Variants in SVEP1 observed in about 807,000 individuals in gnomAD.
SVEP1 encodes the protein sushi, von Willebrand factor type A, EGF and pentraxin domain containing 1.
Under a neutral mutation model 367.3 loss-of-function variants are expected in SVEP1, and 164 were observed. That is an observed-to-expected ratio of 0.45 (90% CI 0.39 to 0.51). SVEP1 has a LOEUF of 0.51. Ranked by LOEUF, SVEP1 falls within the 20% of genes least tolerant of loss-of-function variation. The probability of loss-of-function intolerance (pLI) is 0.00; values close to 1 mark genes in which losing one functional copy is unlikely to be tolerated. For synonymous variants in SVEP1, 1,666 were observed against 1,611.6 expected, an observed-to-expected ratio of 1.03 and a Z score of -0.81; for missense variants, 4,117 against 4,425.3, an observed-to-expected ratio of 0.93 and a Z score of 1.98.
intron 9 of SVEP1, among the ~76,000 whole-genome samples, chr9:110,485,291 G>C (rs77264440): frequency 1.3e-5 from 2 of 152,212 alleles, no homozygotes; most frequent in African/African-American, 4.8e-5. Flanking sequence ...GCAGGGACAC[G>C]GATGGAGCTG....
intron 28 of SVEP1, 144 bp downstream of exon 28, chr9:110,436,236 T>C: frequency 9.5e-7 from 1 of 1,050,700 alleles, no homozygotes; most frequent in African/African-American, 1.6e-5. Context: ...ACTTCATCTA[T>C]AACCACAGCA....
intron 3 of SVEP1, among the ~76,000 whole-genome samples, chr9:110,532,200 T>A (rs558572251): frequency 6.6e-6 from 1 of 152,176 alleles, no homozygotes; most frequent in South Asian, 2.1e-4. Flanking sequence ...TATAAAAAAA[T>A]AAAGGAGGCA....
intron 40 of SVEP1, among the ~76,000 whole-genome samples, chr9:110,392,228 T>C (rs1265630472): frequency 6.6e-6 from 1 of 151,256 alleles, no homozygotes; most frequent in Non-Finnish European, 1.5e-5. Flanking sequence ...TATATCTCTC[T>C]AAACTTAGGT....
In SVEP1 at chr9:110,406,184, G is replaced by T; in HGVS notation, c.9416C>A (p.Thr3139Asn). 6.3e-7 allele frequency: 1 copy of T among 1,593,950 alleles called. No homozygotes were observed. The highest frequency in any genetic ancestry group is 8.6e-7 in the Non-Finnish European group (1 of 1,169,442). Residue 3139 changes from threonine to asparagine, a missense_variant, in exon 38 of 48, where the codon ACC becomes AAC. Thr to Asn is a moderately conservative substitution (Grantham distance 65, BLOSUM62 0). Around this residue, in one of 4 missense-constraint regions of SVEP1, gnomAD observed 1,765 missense variants for 1,781.1 expected, o/e 0.99. Transcript: ENST00000374469. Reference sequence around the variant, plus strand: ...CCTGAGTTTCACTTCACTTTCATAGGTGTGTGCCTCTCCAGTTGCCACTGC... The same window carrying T: ...CCTGAGTTTCACTTCACTTTCATAGTTGTGTGCCTCTCCAGTTGCCACTGC... ...ANAVATGEAH[T>N]YESEVKLRCL... is the part of the protein sequence containing the mutation.
intron 41 of SVEP1, among the ~76,000 whole-genome samples, chr9:110,387,984 A>ATTTTTGT (rs1564126342): frequency 6.6e-6 from 1 of 152,128 alleles, no homozygotes; most frequent in Non-Finnish European, 1.5e-5. Context: ...CATGTCCTGT[A>ATTTTTGT]TTTTTGTTTC....
intron 44 of SVEP1, among the ~76,000 whole-genome samples, chr9:110,378,918 A>T (rs546704677): frequency 1.3e-5 from 2 of 152,236 alleles, no homozygotes; most frequent in East Asian, 1.9e-4. Flanking sequence ...TTAAAAAAAA[A>T]AAAAGTCCAA....
intron 36 of SVEP1, among the ~76,000 whole-genome samples, chr9:110,416,752 T>C (rs898697212): frequency 1.3e-5 from 2 of 152,016 alleles, no homozygotes; most frequent in Non-Finnish European, 2.9e-5. Flanking sequence ...TTTTAAAAAG[T>C]AACCAAAGAG....
In SVEP1 at chr9:110,579,381, C is replaced by A; in HGVS notation, c.163G>T (p.Glu55Ter). 1 of 1,564,758 alleles carries A rather than the reference C, an allele frequency of 6.4e-7. No individual in the cohort carries two copies. Residue 55 changes from glutamate to a stop codon, truncating the protein, a stop_gained, in exon 1 of 48, where the codon GAA becomes TAA. Transcript: ENST00000374469. LOFTEE classifies it high-confidence loss of function. The surrounding 1 kb of genome is among the most constrained non-coding windows in gnomAD (Gnocchi z 5.3). ...SIPAPPAPGD[E>*]AAGSRVERLG... ...CGCTCCACTCTGCTCCCCGCCGCTT[C>A]GTCGCCAGGAGCGGGCGGCGCGGGG...
chr9:110,382,576 G>A (rs1033243172), intron 43 of SVEP1, among the ~76,000 whole-genome samples: 8 of 152,002 alleles, frequency 5.3e-5, no homozygotes, highest in African/African-American at 1.9e-4. Flanking sequence ...TATCTTACTG[G>A]GGTTCTCTGG....
intron 3 of SVEP1, among the ~76,000 whole-genome samples, chr9:110,516,858 C>T (rs1272056207): frequency 1.3e-5 from 2 of 152,028 alleles, no homozygotes; most frequent in Non-Finnish European, 2.9e-5. Context: ...GAGATATATT[C>T]CTAACCTGGA....
chr9:110,463,798 C>G (rs1385395435), intron 18 of SVEP1, among the ~76,000 whole-genome samples: 1 of 151,928 alleles, frequency 6.6e-6, no homozygotes, highest in Non-Finnish European at 1.5e-5. Flanking sequence ...ATATAAGGGA[C>G]CGTTTTAGAA....
intron 1 of SVEP1, among the ~76,000 whole-genome samples, chr9:110,556,207 G>A (rs1309169934): frequency 6.6e-6 from 1 of 152,044 alleles, no homozygotes; most frequent in Non-Finnish European, 1.5e-5. Context: ...AAAAATGCAG[G>A]GTTGTGTAAT....
At chr9:110,373,697 A>G (rs1203805275) in intron 46 of SVEP1, among the ~76,000 whole-genome samples, 1 of 152,100 alleles carries the variant, frequency 6.6e-6, no homozygotes, top group African/African-American at 2.4e-5. Context: ...GTTATTTGAC[A>G]TTTACTAAAA....
chr9:110,408,368 C>T lies in SVEP1; in HGVS notation c.7232G>A (p.Gly2411Glu). Reference sequence around the variant, plus strand: ...GGTAGAATTTCCTCTTAGGAAAAACCCACCTACACAAGAATACTTGACAGT... The same window carrying T: ...GGTAGAATTTCCTCTTAGGAAAAACTCACCTACACAAGAATACTTGACAGT... ...GSTVKYSCVG[G>E]FFLRGNSTTL... Residue 2411 changes from glycine to glutamate, a missense_variant, in exon 38 of 48, where the codon GGG becomes GAG. By Grantham distance (98) the Gly-to-Glu change is moderately conservative. This residue lies in a region of SVEP1 where 1,765 missense variants were observed against 1,781.1 expected (regional missense o/e 0.99). Coordinates refer to ENST00000374469, the MANE Select transcript of SVEP1 (RefSeq NM_153366.4). 1 of 1,613,802 alleles carries T rather than the reference C, an allele frequency of 6.2e-7. No individual in the cohort carries two copies. The highest frequency in any genetic ancestry group is 8.5e-7 in the Non-Finnish European group (1 of 1,179,846).
intron 13 of SVEP1, among the ~76,000 whole-genome samples, chr9:110,477,850 TCTTA>T (rs1829121069): frequency 6.6e-6 from 1 of 152,190 alleles, no homozygotes; most frequent in African/African-American, 2.4e-5. Context: ...TATGTGGTCT[TCTTA>T]CTCTCTCCTA....
At chr9:110,383,454 G>T (rs11791430) in intron 43 of SVEP1, among the ~76,000 whole-genome samples, 1 of 150,826 alleles carries the variant, frequency 6.6e-6, no homozygotes, top group African/African-American at 2.5e-5. Flanking sequence ...TCCTCTGGGA[G>T]CTCTGTCCCA....
intron 3 of SVEP1, among the ~76,000 whole-genome samples, chr9:110,519,596 T>C (rs12379760): frequency 0.022 from 3,310 of 152,290 alleles, 38 homozygotes; most frequent in African/African-American, 0.026. Flanking sequence ...CAGTGGGAAG[T>C]GTGCTCCTGT....
intron 40 of SVEP1, among the ~76,000 whole-genome samples, chr9:110,396,388 A>G (rs59062234): frequency 0.14 from 21,882 of 152,068 alleles, 2,085 homozygotes; most frequent in East Asian, 0.3. Context: ...TGCCCACAAG[A>G]GAAAGTAGGA....
Position 110,443,626 on chromosome 9 carries a change from C to G in SVEP1, c.4558G>C (p.Ala1520Pro), listed in dbSNP as rs1224250600. 8.7e-6 allele frequency: 14 copies of G among 1,613,436 alleles called. No homozygotes were observed. The highest frequency in any genetic ancestry group is 1.2e-5 in the Non-Finnish European group (14 of 1,179,704). The change falls in exon 27 of 48, where the codon GCC becomes CCC. Residue 1520 changes from alanine to proline, a missense_variant. Coordinates refer to ENST00000374469, the MANE Select transcript of SVEP1 (RefSeq NM_153366.4). ...WHHIAITWTS[A>P]NGIWKVYIDG... ...ATATAGACTTTCCAGATGCCATTGG[C>G]ACTTGTCCAAGTGATTGCAATATGA...
Sources: gnomAD v4.1 joint callset for allele counts (sites outside exome capture counted in the v4.1 genomes callset) on GRCh38, gnomAD v4.1.1 for gene constraint, gnomAD v4.1.1 regional missense constraint, Gnocchi (gnomAD v3.1) non-coding constraint, MANE v1.5 for transcripts, NCBI Gene and HGNC (gene_info 2026-07-23, HGNC 2026-07-21) for gene names.